Variants in DNAH14 observed in about 807,000 individuals in gnomAD.
DNAH14 encodes the protein dynein axonemal heavy chain 14, also known as axonemal beta dynein heavy chain 14.
Under a neutral mutation model 520.9 loss-of-function variants are expected in DNAH14, and 478 were observed. The ratio of observed to expected loss-of-function variants is 0.92; its 90% CI spans 0.85 to 0.99. DNAH14 has a LOEUF of 0.99. Ranked by LOEUF, DNAH14 falls within the 50% of genes least tolerant of loss-of-function variation. The probability of loss-of-function intolerance (pLI) is 0.00; values close to 1 mark genes in which losing one functional copy is unlikely to be tolerated. For synonymous variants in DNAH14, 1,581 were observed against 1,757.2 expected, an observed-to-expected ratio of 0.90 and a Z score of 2.51; for missense variants, 4,831 against 5,234.5, an observed-to-expected ratio of 0.92 and a Z score of 2.38.
intron 54 of DNAH14, among the ~76,000 whole-genome samples, chr1:225,277,795 C>T (rs996046142): frequency 7.9e-5 from 12 of 152,208 alleles, no homozygotes; most frequent in East Asian, 1.9e-4. Flanking sequence ...AAAAATAGTG[C>T]GCTTACTTGA....
chr1:225,335,167 A>G (rs1288450550), intron 66 of DNAH14, among the ~76,000 whole-genome samples: 5 of 147,004 alleles, frequency 3.4e-5, no homozygotes, highest in Non-Finnish European at 6.0e-5. Context: ...GCATGTGTGC[A>G]TGTGTACATG....
chr1:225,333,508 T>C lies in DNAH14; in HGVS notation c.10080+2T>C. ...AAAGTTATGGCACAAAAATATGAGG[T>C]AATAACATATTTCTATTATCCAGTT... is the stretch of plus-strand genomic sequence containing the variant. On this transcript the variant is annotated splice_donor_variant, in intron 66 of 85. Transcript: ENST00000682510. LOFTEE classifies it high-confidence loss of function. 4 of 1,546,600 alleles carry C rather than the reference T, an allele frequency of 2.6e-6. No individual in the cohort carries two copies. The highest frequency in any genetic ancestry group is 3.5e-6 in the Non-Finnish European group (4 of 1,143,168).
At position 225,043,908 on chromosome 1, in the gene DNAH14, C is replaced by G; in HGVS notation, c.1837C>G (p.Leu613Val). The change falls in exon 15 of 86, where the codon CTC becomes GTC. Residue 613 changes from leucine (L) to valine (V), a missense_variant. Physicochemically the swap from Leu to Val is conservative, Grantham distance 32 (BLOSUM62 1). Coordinates refer to ENST00000682510, the MANE Select transcript of DNAH14 (RefSeq NM_001367479.1). The stretch of plus-strand genomic sequence containing the variant: ...TAGATTTCCAGAATTTCCTACAAAT[C>G]TCTTTATAGATCCCAACAGATTGGA... ...YYEFPEFPTN[L>V]FIDPNRLEFS... The G allele has an allele frequency of 6.5e-7, 1 of 1,527,338 alleles. No individual in the cohort carries two copies. Among genetic ancestry groups the G allele is most frequent in the East Asian group, 2.5e-5 (1 of 40,624 alleles). 94.6% of individuals were successfully genotyped at this position (1,527,338 alleles called of 1,614,324 possible).
chr1:225,340,419 CATGTTCTT>C, intron 68 of DNAH14, 30 bp from the exon 69 acceptor site: 1 of 1,488,352 alleles, frequency 6.7e-7, no homozygotes, highest in Non-Finnish European at 9.0e-7. Context: ...TTTTCTTCTA[CATGTTCTT>C]TGAATAACTG....
chr1:224,957,974 C>A (rs1263461340), intron 3 of DNAH14, among the ~76,000 whole-genome samples: 1 of 151,982 alleles, frequency 6.6e-6, no homozygotes, highest in Non-Finnish European at 1.5e-5. Context: ...ATAGTGTAGG[C>A]ATGAAGAGAC....
chr1:224,991,216 T>A (rs1313379379), intron 8 of DNAH14, among the ~76,000 whole-genome samples: 1 of 147,842 alleles, frequency 6.8e-6, no homozygotes, highest in Non-Finnish European at 1.5e-5. Context: ...TGCCTCAGCC[T>A]CCCAAGTAGC....
intron 36 of DNAH14, among the ~76,000 whole-genome samples, chr1:225,177,958 A>G (rs1559195613): frequency 6.6e-6 from 1 of 152,118 alleles, no homozygotes; most frequent in Admixed American, 6.6e-5. Context: ...GCACCTGGAA[A>G]AGCCACAAAC....
chr1:225,338,193 A>G lies in DNAH14; in HGVS notation c.10433+11A>G. Reference sequence around the variant, plus strand: ...CAATTCAAATTTTAGGTAATGTGCCACAGCTAAATTGAGTCAAATGTCTAT... The same window carrying G: ...CAATTCAAATTTTAGGTAATGTGCCGCAGCTAAATTGAGTCAAATGTCTAT... On this transcript the variant is annotated intron_variant, in intron 68 of 85. Coordinates refer to ENST00000682510, the MANE Select transcript of DNAH14 (RefSeq NM_001367479.1). 1 of 1,551,882 alleles carries G rather than the reference A, an allele frequency of 6.4e-7. No individual in the cohort carries two copies. Among genetic ancestry groups the G allele is most frequent in the African/African-American group, 1.4e-5 (1 of 73,156 alleles).
intron 77 of DNAH14, 73 bp downstream of exon 77, chr1:225,368,105 T>A: frequency 7.9e-7 from 1 of 1,260,300 alleles, no homozygotes; most frequent in Non-Finnish European, 1.1e-6. Context: ...ACTATGTGCC[T>A]ACACAAATGT....
intron 60 of DNAH14, 60 bp downstream of exon 60, chr1:225,308,470 C>T: frequency 6.8e-7 from 1 of 1,465,246 alleles, no homozygotes; most frequent in Non-Finnish European, 9.0e-7. Context: ...ATTCCCTAAC[C>T]TTCAAATTTA....
chr1:225,094,738 G>A (rs74592028), intron 21 of DNAH14, among the ~76,000 whole-genome samples: 6,020 of 145,828 alleles, frequency 0.041, 184 homozygotes, highest in Non-Finnish European at 0.067. Flanking sequence ...CCTATAGCAT[G>A]GGAGAAAATT....
intron 38 of DNAH14, among the ~76,000 whole-genome samples, chr1:225,201,649 A>C (rs2086838853): frequency 6.6e-6 from 1 of 152,128 alleles, no homozygotes; most frequent in South Asian, 2.1e-4. Flanking sequence ...GAGTCTAGCC[A>C]GCCAGGAAGT....
At chr1:225,042,167 G>T (rs1028443642) in intron 12 of DNAH14, among the ~76,000 whole-genome samples, 23 of 152,164 alleles carry the variant, frequency 1.5e-4, no homozygotes, top group African/African-American at 5.3e-4. Context: ...AGAGGTTAAG[G>T]TTCCAGCAGA....
chr1:224,990,882 A>G (rs1372867448), intron 8 of DNAH14, among the ~76,000 whole-genome samples: 3 of 152,142 alleles, frequency 2.0e-5, no homozygotes, highest in African/African-American at 7.2e-5. Context: ...ACAGTTTTCC[A>G]TATGGCTGTA....
chr1:224,995,347 C>T (rs948140836), intron 8 of DNAH14, among the ~76,000 whole-genome samples: 2 of 151,854 alleles, frequency 1.3e-5, no homozygotes, highest in Non-Finnish European at 2.9e-5. Flanking sequence ...TTTTTTTCCC[C>T]CTTAGCATTT....
rs2095907672 is a variant in DNAH14 at position 225,391,236 on chromosome 1, T to C, written c.13331-1055T>C. 3.9e-5 allele frequency among the ~76,000 whole-genome samples: 6 copies of C among 152,268 alleles called. No individual in the cohort carries two copies. The South Asian group carries it at 1.2e-3, about 32-fold the overall frequency. ...GAAGTGTTCCAGGCCAGAGAGGTCATGATCCAGCAGCTATAGGAAGGAAGA... is the reference window on the plus strand; with the variant it reads ...GAAGTGTTCCAGGCCAGAGAGGTCACGATCCAGCAGCTATAGGAAGGAAGA... On this transcript the variant is annotated intron_variant, in intron 83 of 85. Transcript: ENST00000682510.
At chr1:225,127,605 T>A (rs1029846473) in intron 27 of DNAH14, among the ~76,000 whole-genome samples, 1 of 152,190 alleles carries the variant, frequency 6.6e-6, no homozygotes, top group African/African-American at 2.4e-5. Flanking sequence ...TGTGTGTCTC[T>A]GCACGTGAGA....
At chr1:225,396,437 G>A (rs188425692) in intron 84 of DNAH14, 1 of 152,216 alleles carries the variant, frequency 6.6e-6, no homozygotes, top group Admixed American at 6.5e-5. Flanking sequence ...TCATTCTGTA[G>A]GTCAGGAAAC....
intron 72 of DNAH14, among the ~76,000 whole-genome samples, chr1:225,352,165 C>G (rs1337738540): frequency 1.3e-5 from 2 of 152,124 alleles, no homozygotes; most frequent in African/African-American, 4.8e-5. Context: ...AACCTTGAAT[C>G]TGAACAAACC....
Sources: gnomAD v4.1 joint callset for allele counts (sites outside exome capture counted in the v4.1 genomes callset) on GRCh38, gnomAD v4.1.1 for gene constraint, MANE v1.5 for transcripts, NCBI Gene and HGNC (gene_info 2026-07-23, HGNC 2026-07-21) for gene names.